Variants in DPP10 observed in about 807,000 individuals in gnomAD.
DPP10 encodes dipeptidyl peptidase like 10, also known as inactive dipeptidyl peptidase 10.
DPP10 carries 33 observed loss-of-function variants against 120.9 expected under a neutral mutation model. The ratio of observed to expected loss-of-function variants is 0.27; its 90% confidence interval spans 0.21 to 0.37. DPP10 has a LOEUF of 0.37. Among genes scored for constraint, DPP10 ranks in the 10% least tolerant of loss-of-function variants. The probability of loss-of-function intolerance (pLI) is 1.00; values close to 1 mark genes in which losing one functional copy is unlikely to be tolerated. For synonymous variants in DPP10, 337 were observed against 326.1 expected (o/e 1.03, Z -0.36); for missense variants, 816 against 942.8 (o/e 0.87, Z 1.76).
intron 7 of DPP10, among the ~76,000 whole-genome samples, chr2:115,725,632 C>T (rs1198090698): frequency 6.6e-6 from 1 of 152,090 alleles, no homozygotes; most frequent in Non-Finnish European, 1.5e-5. Context: ...ATTATTTTGA[C>T]TTAGATTTTA....
At chr2:115,179,925 C>T (rs928499809) in intron 1 of DPP10, among the ~76,000 whole-genome samples, 1 of 152,106 alleles carries the variant, frequency 6.6e-6, no homozygotes, top group Admixed American at 6.6e-5. Flanking sequence ...ATAGGAAAAA[C>T]AAGTTATTTC....
intron 1 of DPP10, among the ~76,000 whole-genome samples, chr2:114,569,241 A>G (rs1357373768): frequency 6.6e-6 from 1 of 152,164 alleles, no homozygotes. Context: ...TGTTATCCAT[A>G]TGAGGAGCTG....
intron 3 of DPP10, among the ~76,000 whole-genome samples, chr2:115,472,587 T>C (rs2074802907): frequency 6.6e-6 from 1 of 152,214 alleles, no homozygotes; most frequent in South Asian, 2.1e-4. Context: ...AATTGCTACC[T>C]TTGTTCAACA....
At chr2:114,501,183 A>G (rs767300481) in intron 1 of DPP10, among the ~76,000 whole-genome samples, 8 of 152,174 alleles carry the variant, frequency 5.3e-5, no homozygotes, top group African/African-American at 1.2e-4. Context: ...TACTGTGTGA[A>G]CATCTCAGGC....
At chr2:115,021,574 T>C (rs1382244894) in intron 1 of DPP10, among the ~76,000 whole-genome samples, 1 of 152,114 alleles carries the variant, frequency 6.6e-6, no homozygotes, top group Admixed American at 6.6e-5. Flanking sequence ...AGCTGAATTG[T>C]ATCAGACTTC....
intron 1 of DPP10, among the ~76,000 whole-genome samples, chr2:114,642,716 T>TAA (rs796957702): frequency 2.8e-5 from 4 of 143,930 alleles, no homozygotes; most frequent in African/African-American, 7.7e-5. Context: ...ACACAGCCCA[T>TAA]AAAAAAAAAA....
intron 1 of DPP10, among the ~76,000 whole-genome samples, chr2:115,027,938 GTAGT>G (rs1319358799): frequency 2.6e-5 from 4 of 151,922 alleles, no homozygotes; most frequent in African/African-American, 9.7e-5. Flanking sequence ...TTGTATTTCT[GTAGT>G]TAGTTGTTAT....
chr2:115,460,282 T>A (rs559078647), intron 3 of DPP10, among the ~76,000 whole-genome samples: 1 of 152,226 alleles, frequency 6.6e-6, no homozygotes, highest in East Asian at 1.9e-4. Context: ...CCTGCAAATA[T>A]AAAACCTTTC....
intron 8 of DPP10, among the ~76,000 whole-genome samples, chr2:115,737,406 A>G (rs1043147250): frequency 1.3e-5 from 2 of 152,114 alleles, no homozygotes; most frequent in African/African-American, 2.4e-5. Flanking sequence ...GTGAGGCTAA[A>G]TGTTTCTCCT....
intron 3 of DPP10, among the ~76,000 whole-genome samples, chr2:115,398,427 A>C (rs2067837591): frequency 6.6e-6 from 1 of 152,166 alleles, no homozygotes; most frequent in African/African-American, 2.4e-5. Context: ...TATGTGTTTA[A>C]GAAAATTGCT....
intron 2 of DPP10, among the ~76,000 whole-genome samples, chr2:115,337,809 C>T (rs1463264750): frequency 6.6e-6 from 1 of 150,526 alleles, no homozygotes; most frequent in Non-Finnish European, 1.5e-5. Context: ...GGGTAGGCAG[C>T]TAAGGAAAAT....
intron 2 of DPP10, among the ~76,000 whole-genome samples, chr2:115,337,490 G>C (rs951747236): frequency 5.3e-5 from 8 of 151,878 alleles, no homozygotes; most frequent in African/African-American, 1.7e-4. Flanking sequence ...TCAAGTTTCA[G>C]CTCTGCCAAT....
chr2:115,675,763 T>C (rs2149455613), intron 5 of DPP10, among the ~76,000 whole-genome samples: 1 of 152,308 alleles, frequency 6.6e-6, no homozygotes, highest in African/African-American at 2.4e-5. Flanking sequence ...AAAAAATTAA[T>C]GCTAGATCAC....
chr2:115,831,481 G>A (rs576579713), intron 21 of DPP10, among the ~76,000 whole-genome samples: 1 of 152,098 alleles, frequency 6.6e-6, no homozygotes, highest in Admixed American at 6.5e-5. Flanking sequence ...CTTGTGATCC[G>A]CTGGCCTCGG....
At chr2:115,724,621 A>T (rs954059513) in intron 7 of DPP10, among the ~76,000 whole-genome samples, 1 of 152,150 alleles carries the variant, frequency 6.6e-6, no homozygotes, top group Non-Finnish European at 1.5e-5. Flanking sequence ...GGCTCTGCAA[A>T]TTGAAGAGTT....
At chr2:115,622,829 CTTTTTTT>C (rs765780452) in intron 5 of DPP10, among the ~76,000 whole-genome samples, 1 of 128,338 alleles carries the variant, frequency 7.8e-6, no homozygotes. Context: ...TTCGTTTATT[CTTTTTTT>C]TTTTTTTTTT....
intron 1 of DPP10, among the ~76,000 whole-genome samples, chr2:115,108,760 A>C (rs1245131292): frequency 6.6e-6 from 1 of 152,242 alleles, no homozygotes; most frequent in African/African-American, 2.4e-5. Flanking sequence ...CAGGTCCTGA[A>C]TGACCTTGAG....
intron 1 of DPP10, among the ~76,000 whole-genome samples, chr2:115,233,565 G>A (rs2057847010): frequency 6.6e-6 from 1 of 152,074 alleles, no homozygotes; most frequent in African/African-American, 2.4e-5. Context: ...TCCCCCTGGT[G>A]GTTCTACTTT....
At chr2:114,593,347 C>T (rs956082630) in intron 1 of DPP10, among the ~76,000 whole-genome samples, 2 of 152,172 alleles carry the variant, frequency 1.3e-5, no homozygotes, top group Admixed American at 1.3e-4. Context: ...CCTTGACCAG[C>T]TCCACTGCTT....
Sources: allele counts gnomAD v4.1 joint callset (sites outside exome capture counted in the v4.1 genomes callset), GRCh38; gene constraint gnomAD v4.1.1; transcripts MANE v1.5; gene names NCBI Gene and HGNC (gene_info 2026-07-23, HGNC 2026-07-21).